PRKCE: variants seen among roughly 807,000 people sequenced by gnomAD.
The protein encoded by PRKCE is protein kinase C epsilon, also known as protein kinase C epsilon type.
A neutral mutation model predicts 85.4 loss-of-function variants in PRKCE; 16 were observed. The ratio of observed to expected loss-of-function variants is 0.19; its 90% CI spans 0.13 to 0.28. The LOEUF (loss-of-function observed/expected upper bound fraction) is 0.28. PRKCE is among the 10% of genes least tolerant of loss of function. The pLI is 1.00. For missense variants in PRKCE, 573 were observed against 975.2 expected, an observed-to-expected ratio of 0.59 and a Z score of 5.49; for synonymous variants, 388 against 371.5, an observed-to-expected ratio of 1.04 and a Z score of -0.51.
intron 1 of PRKCE, among the ~76,000 whole-genome samples, chr2:45,841,325 A>G (rs1473904588): frequency 6.6e-6 from 1 of 152,216 alleles, no homozygotes; most frequent in African/African-American, 2.4e-5. Context: ...AAAGTAGGAA[A>G]GCCGACAGGG....
At position 46,145,192 on chromosome 2, in the gene PRKCE, C is replaced by A; in HGVS notation, c.1692C>A (p.Thr564=). Residue 564 remains threonine, a synonymous_variant, in exon 12 of 15, where the codon ACC becomes ACA. Transcript: ENST00000306156. This position sits in a 1 kb window ranked among gnomAD's most constrained non-coding sequence, Gnocchi z 4.6. ...AAGGGATTCTGAATGGTGTGACGACCACCACGTTCTGTGGGACTCCTGACT... is the reference window on the plus strand; with the variant it reads ...AAGGGATTCTGAATGGTGTGACGACAACCACGTTCTGTGGGACTCCTGACT... ...CKEGILNGVT[T]TTFCGTPDYI... 1 of 1,599,702 alleles carries A rather than the reference C, an allele frequency of 6.3e-7. No homozygotes were observed. Among genetic ancestry groups the A allele is most frequent in the Non-Finnish European group, 8.5e-7 (1 of 1,179,952 alleles).
intron 1 of PRKCE, among the ~76,000 whole-genome samples, chr2:45,691,019 C>G (rs1391364693): frequency 6.6e-6 from 1 of 152,184 alleles, no homozygotes; most frequent in Non-Finnish European, 1.5e-5. Flanking sequence ...ATGGGAAAAG[C>G]CTGAACTTCG....
intron 6 of PRKCE, among the ~76,000 whole-genome samples, chr2:45,989,179 T>C (rs924566996): frequency 2.6e-5 from 4 of 152,192 alleles, no homozygotes; most frequent in Admixed American, 6.5e-5. Context: ...CTGGGGTGAA[T>C]GCTCTGCACC....
chr2:46,032,107 T>C (rs1277863995), intron 10 of PRKCE, among the ~76,000 whole-genome samples: 1 of 152,216 alleles, frequency 6.6e-6, no homozygotes, highest in Non-Finnish European at 1.5e-5. Context: ...AGTTAAAACA[T>C]GTATGGCCTT....
chr2:45,845,362 C>T (rs1247686192), intron 2 of PRKCE: 2 of 142,574 alleles, frequency 1.4e-5, no homozygotes, highest in Admixed American at 1.5e-4. Flanking sequence ...GATTTACAGA[C>T]TGTGGACTAA....
intron 2 of PRKCE, among the ~76,000 whole-genome samples, chr2:45,960,661 C>A (rs1371468314): frequency 6.6e-6 from 1 of 152,210 alleles, no homozygotes; most frequent in Non-Finnish European, 1.5e-5. Flanking sequence ...TCCTAACAGG[C>A]CACAGACCAG....
chr2:45,862,892 C>T (rs1031157608), intron 2 of PRKCE, among the ~76,000 whole-genome samples: 27 of 152,240 alleles, frequency 1.8e-4, no homozygotes, highest in African/African-American at 6.0e-4. Flanking sequence ...ACATTGAAAA[C>T]TTAGGGACCC....
chr2:45,678,259 A>T (rs1251211895), intron 1 of PRKCE, among the ~76,000 whole-genome samples: 1 of 152,208 alleles, frequency 6.6e-6, no homozygotes, highest in Non-Finnish European at 1.5e-5. Flanking sequence ...TATAATGTAA[A>T]CTATTCTTAC....
At chr2:46,078,133 G>C (rs1014621705) in intron 10 of PRKCE, 14 of 152,150 alleles carry the variant, frequency 9.2e-5, no homozygotes, top group African/African-American at 2.9e-4. Context: ...ATGGAAATGG[G>C]GAAGAGAGAA....
intron 1 of PRKCE, among the ~76,000 whole-genome samples, chr2:45,800,959 G>A (rs1267017824): frequency 1.3e-5 from 2 of 152,234 alleles, no homozygotes; most frequent in Non-Finnish European, 2.9e-5. Context: ...CGCAGTCATA[G>A]AGAAATGCAG....
At chr2:46,135,552 G>C (rs1674886338) in intron 11 of PRKCE, among the ~76,000 whole-genome samples, 1 of 152,076 alleles carries the variant, frequency 6.6e-6, no homozygotes, top group Non-Finnish European at 1.5e-5. Flanking sequence ...CTGAGCTTGG[G>C]ATACAAAAGC....
At chr2:45,685,410 C>T (rs2103986911) in intron 1 of PRKCE, 1 of 152,310 alleles carries the variant, frequency 6.6e-6, no homozygotes, top group East Asian at 1.9e-4. Flanking sequence ...TAGCTACTCA[C>T]TAAACATACA....
intron 1 of PRKCE, among the ~76,000 whole-genome samples, chr2:45,748,567 A>G (rs1202433169): frequency 6.6e-6 from 1 of 151,826 alleles, no homozygotes; most frequent in East Asian, 1.9e-4. Context: ...TCAAATACCT[A>G]ATGTCCCTTT....
At position 45,704,431 on chromosome 2, in the gene PRKCE, G is replaced by A. The variant is rs138090491; in HGVS notation, c.348+51983G>A. On this transcript the variant is annotated intron_variant, in intron 1 of 14. Transcript: ENST00000306156. Reference sequence around the variant, plus strand: ...GAACCTGTAGCTTTGCTTTTTGTTAGCTACTCCAGGTAAAGACTAGTTCAG... The same window carrying A: ...GAACCTGTAGCTTTGCTTTTTGTTAACTACTCCAGGTAAAGACTAGTTCAG... Among the ~76,000 whole-genome samples the A allele has an allele frequency of 6.0e-3, 921 of 152,296 alleles. 10 individuals are homozygous for A. Among genetic ancestry groups the A allele is most frequent in the African/African-American group, 0.021 (864 of 41,570 alleles).
At chr2:45,763,138 T>C (rs982514815) in intron 1 of PRKCE, among the ~76,000 whole-genome samples, 1 of 152,088 alleles carries the variant, frequency 6.6e-6, no homozygotes, top group Non-Finnish European at 1.5e-5. Context: ...GTATTTTTAC[T>C]AGAGATGGGG....
intron 11 of PRKCE, among the ~76,000 whole-genome samples, chr2:46,088,451 G>T (rs1028990040): frequency 1.3e-5 from 2 of 152,138 alleles, no homozygotes; most frequent in Non-Finnish European, 2.9e-5. Flanking sequence ...GACTTTCATT[G>T]CTGCACCTGC....
intron 1 of PRKCE, among the ~76,000 whole-genome samples, chr2:45,722,839 G>A (rs146277296): frequency 1.4e-4 from 22 of 152,306 alleles, no homozygotes; most frequent in African/African-American, 4.6e-4. Context: ...GGTGGCTCAC[G>A]CCTGTAATCC....
At chr2:46,131,821 C>G (rs1436010288) in intron 11 of PRKCE, among the ~76,000 whole-genome samples, 3 of 152,110 alleles carry the variant, frequency 2.0e-5, no homozygotes, top group Non-Finnish European at 4.4e-5. Context: ...TTTTTTTCCC[C>G]AAGTGGAATT....
chr2:45,871,781 C>G (rs746313489), intron 2 of PRKCE, among the ~76,000 whole-genome samples: 1 of 152,184 alleles, frequency 6.6e-6, no homozygotes, highest in Non-Finnish European at 1.5e-5. Context: ...ACAGTTCCCT[C>G]CTGAGACTGC....
Sources: gnomAD v4.1 joint callset for allele counts (sites outside exome capture counted in the v4.1 genomes callset) on GRCh38, gnomAD v4.1.1 for gene constraint, Gnocchi (gnomAD v3.1) non-coding constraint, MANE v1.5 for transcripts, NCBI Gene and HGNC (gene_info 2026-07-23, HGNC 2026-07-21) for gene names.